The following ZFPM1 variants were observed in gnomAD, a reference collection of about 807,000 sequenced individuals.
The protein encoded by ZFPM1 is zinc finger protein, FOG family member 1.
Under a neutral mutation model 46.3 loss-of-function variants are expected in ZFPM1, and 28 were observed. The observed-to-expected ratio is 0.60, with a 90% CI of 0.45 to 0.83. ZFPM1 has a LOEUF of 0.83. Ranked by LOEUF, ZFPM1 falls within the 40% of genes least tolerant of loss-of-function variation. The probability of loss-of-function intolerance (pLI) is 0.00; values close to 1 mark genes in which losing one functional copy is unlikely to be tolerated. For missense variants in ZFPM1, 1,878 were observed against 1,432.4 expected (o/e 1.31, Z -5.02); for synonymous variants, 957 against 675.9 (o/e 1.42, Z -6.45).
chr16:88,509,890 G>T (rs1299001859), intron 3 of ZFPM1, among the ~76,000 whole-genome samples: 1 of 152,134 alleles, frequency 6.6e-6, no homozygotes, highest in African/African-American at 2.4e-5. Context: ...CACGGAGGGG[G>T]CCACGGTTCC....
rs138405433 is a variant in ZFPM1 at position 88,489,176 on chromosome 16, C to T, written c.268+23C>T. ...CAGGTAACCACGCGGGTGGTGGGGGCAGCAGCATCGCCTCCCGGGCAGCCT... is the reference window on the plus strand; with the variant it reads ...CAGGTAACCACGCGGGTGGTGGGGGTAGCAGCATCGCCTCCCGGGCAGCCT... On this transcript the variant is annotated intron_variant, in intron 3 of 9. Coordinates refer to ENST00000319555, the MANE Select transcript of ZFPM1 (RefSeq NM_153813.3). 1.3e-3 allele frequency: 2,018 copies of T among 1,575,086 alleles called. 21 individuals carry two copies. In the African/African-American group the frequency reaches 0.023, roughly 18 times the overall value.
At chr16:88,513,240 G>A (rs1400589754) in intron 3 of ZFPM1, 3 of 152,232 alleles carry the variant, frequency 2.0e-5, no homozygotes, top group African/African-American at 7.2e-5. Context: ...CCTTCCTGGG[G>A]GCTGATAAAG....
chr16:88,460,008 G>A (rs1049300184), intron 1 of ZFPM1, among the ~76,000 whole-genome samples: 4 of 151,546 alleles, frequency 2.6e-5, no homozygotes, highest in African/African-American at 9.7e-5. Context: ...GGCAGCCCCT[G>A]ACACCCACCC....
intron 1 of ZFPM1, among the ~76,000 whole-genome samples, chr16:88,477,631 G>T (rs1908746785): frequency 1.3e-5 from 2 of 152,132 alleles, no homozygotes; most frequent in Admixed American, 1.3e-4. Context: ...GGGGTTTGAG[G>T]ATACAGTGAA....
intron 3 of ZFPM1, 154 bp downstream of exon 3, chr16:88,489,307 C>G (rs1157513472): frequency 8.2e-7 from 1 of 1,226,116 alleles, no homozygotes; most frequent in African/African-American, 1.5e-5. Flanking sequence ...TCAGCCAACC[C>G]GTGCAGCTGG....
Position 88,497,547 on chromosome 16 carries a change from G to A in ZFPM1, c.268+8394G>A, listed in dbSNP as rs1029696794. On this transcript the variant is annotated intron_variant, in intron 3 of 9. Coordinates refer to ENST00000319555, the MANE Select transcript of ZFPM1 (RefSeq NM_153813.3). The surrounding 1 kb of genome is among the most constrained non-coding windows in gnomAD (Gnocchi z 5.4). ...GGCCCGGGCGGGGATGGGGTTCAGC[G>A]GGGTCAGGGCGGGGGCTCAGTGCCA... 1.3e-5 allele frequency among the ~76,000 whole-genome samples: 2 copies of A among 151,874 alleles called. No individual in the cohort carries two copies. Among genetic ancestry groups the A allele is most frequent in the Non-Finnish European group, 2.9e-5 (2 of 67,946 alleles).
Position 88,535,033 on chromosome 16 carries a change from G to A in ZFPM1, c.*54G>A, listed in dbSNP as rs1371295005. ...GCACGCCCCGCTGCGATGCGGGGAG[G>A]GGGCCGCCCCCAGGCCGCACGGACT... On this transcript the variant is annotated 3_prime_UTR_variant, in exon 10 of 10. Coordinates refer to ENST00000319555, the MANE Select transcript of ZFPM1 (RefSeq NM_153813.3). The A allele has an allele frequency of 3.7e-6, 5 of 1,353,278 alleles. No homozygotes were observed. The highest frequency in any genetic ancestry group is 2.8e-5 in the Admixed American group (1 of 36,344). The allele number at this position is 1,353,278 out of a possible 1,614,324, so 83.8% of individuals were successfully genotyped here. A position where few individuals can be genotyped will look rare whatever the true frequency, so the allele number is the denominator to read the frequency against.
chr16:88,516,724 C>G (rs887705203), intron 4 of ZFPM1: 28 of 396,148 alleles, frequency 7.1e-5, no homozygotes, highest in African/African-American at 4.7e-4. Flanking sequence ...GTTCTCTCCC[C>G]GACCCCTCCC....
chr16:88,509,615 G>T (rs1910844085), intron 3 of ZFPM1, among the ~76,000 whole-genome samples: 2 of 152,220 alleles, frequency 1.3e-5, no homozygotes, highest in Non-Finnish European at 2.9e-5. Flanking sequence ...GGAGAAACAG[G>T]CCTGGGGAGG....
At chr16:88,479,019 T>C (rs1597237923) in intron 1 of ZFPM1, among the ~76,000 whole-genome samples, 1 of 151,984 alleles carries the variant, frequency 6.6e-6, no homozygotes, top group African/African-American at 2.4e-5. Context: ...AGTGGGTAGG[T>C]GGGTAGGCAC....
intron 4 of ZFPM1, among the ~76,000 whole-genome samples, chr16:88,521,322 G>A (rs1007817625): frequency 2.0e-5 from 3 of 151,362 alleles, no homozygotes; most frequent in Non-Finnish European, 4.4e-5. Context: ...CCCCTCCTAT[G>A]AGATCAGGTT....
In ZFPM1 at chr16:88,461,240, T is replaced by TGGTGAGGACCGA. The variant is rs1567525940; in HGVS notation, c.40+7564_40+7565insTGAGGACCGAGG. ...GGGAGGCCTGGTGAGGACCCAGGGGTGGGGCGGGAGGCCCTGGTGAGGACC... is the reference window on the plus strand; with the variant it reads ...GGGAGGCCTGGTGAGGACCCAGGGGTGGTGAGGACCGAGGGGCGGGAGGCCCTGGTGAGGACC... On this transcript the variant is annotated intron_variant, in intron 1 of 9. Transcript: ENST00000319555. Among the ~76,000 whole-genome samples, 164 of 70,598 alleles carry TGGTGAGGACCGA rather than the reference T, an allele frequency of 2.3e-3. 7 individuals are homozygous for TGGTGAGGACCGA. Among genetic ancestry groups the TGGTGAGGACCGA allele is most frequent in the African/African-American group, 4.1e-3 (67 of 16,146 alleles). The allele number at this position is 70,598 out of a possible 152,430, so 46.3% of individuals were successfully genotyped here.
At chr16:88,493,443 A>AGCTGTCCCGGGCTGCGGG (rs1909732625) in intron 3 of ZFPM1, among the ~76,000 whole-genome samples, 2 of 111,974 alleles carry the variant, frequency 1.8e-5, no homozygotes, top group African/African-American at 7.0e-5. Context: ...CGGGGTACGG[A>AGCTGTCCCGGGCTGCGGG]GAGCTGTCCC....
At chr16:88,522,986 A>G (rs1267498169) in intron 4 of ZFPM1, among the ~76,000 whole-genome samples, 2 of 152,102 alleles carry the variant, frequency 1.3e-5, no homozygotes, top group Admixed American at 1.3e-4. Context: ...CGGGCAGATC[A>G]CCTGAGGTCA....
chr16:88,498,352 C>T (rs530534561), intron 3 of ZFPM1, among the ~76,000 whole-genome samples: 1 of 152,312 alleles, frequency 6.6e-6, no homozygotes, highest in East Asian at 1.9e-4. Context: ...ATATCAGGTG[C>T]TGGATAGACA....
chr16:88,519,915 GTAGATGGA>G (rs371213171), intron 4 of ZFPM1, among the ~76,000 whole-genome samples: 296 of 149,646 alleles, frequency 2.0e-3, no homozygotes, highest in Middle Eastern at 7.4e-3. Context: ...TGACGGCTGG[GTAGATGGA>G]TAGATGGATG....
chr16:88,510,672 G>A (rs1910906122), intron 3 of ZFPM1, among the ~76,000 whole-genome samples: 1 of 152,048 alleles, frequency 6.6e-6, no homozygotes, highest in Admixed American at 6.5e-5. Flanking sequence ...CCCTCCTCAG[G>A]AGACCCGTCT....
At chr16:88,463,000 A>G (rs866640443) in intron 1 of ZFPM1, among the ~76,000 whole-genome samples, 1 of 152,210 alleles carries the variant, frequency 6.6e-6, no homozygotes, top group Middle Eastern at 3.4e-3. Context: ...GACGTCCCTC[A>G]GGTGTCTCTG....
intron 4 of ZFPM1, chr16:88,516,407 G>C: frequency 2.5e-6 from 1 of 397,802 alleles, no homozygotes; most frequent in Non-Finnish European, 4.4e-6. Flanking sequence ...CAAGTGGGGA[G>C]ATAACGTCTG....
Sources: gnomAD v4.1 joint callset for allele counts (sites outside exome capture counted in the v4.1 genomes callset) on GRCh38, gnomAD v4.1.1 for gene constraint, Gnocchi (gnomAD v3.1) non-coding constraint, MANE v1.5 for transcripts, NCBI Gene and HGNC (gene_info 2026-07-23, HGNC 2026-07-21) for gene names.